Variants in STK3 observed in about 807,000 individuals in gnomAD.
The protein encoded by STK3 is serine/threonine kinase 3.
In STK3, 41 loss-of-function variants were observed where a neutral mutation model predicts 58.0. The ratio of observed to expected loss-of-function variants is 0.71; its 90% confidence interval spans 0.55 to 0.92. The LOEUF (loss-of-function observed/expected upper bound fraction) is 0.92, where lower values mean the gene tolerates loss of function less well. Among genes scored for constraint, STK3 ranks in the 40% least tolerant of loss-of-function variants. STK3 has a pLI of 0.00. For synonymous variants in STK3, 170 were observed against 191.0 expected (o/e 0.89, Z 0.91); for missense variants, 479 against 602.7 (o/e 0.79, Z 2.15).
At chr8:98,922,946 T>C (rs956988651) in intron 1 of STK3, among the ~76,000 whole-genome samples, 1 of 152,250 alleles carries the variant, frequency 6.6e-6, no homozygotes, top group African/African-American at 2.4e-5. Flanking sequence ...ATGGAAACTA[T>C]TTTTTCTTCT....
chr8:98,692,867 G>A (rs1314198393), intron 6 of STK3, among the ~76,000 whole-genome samples: 4 of 151,706 alleles, frequency 2.6e-5, no homozygotes, highest in African/African-American at 4.8e-5. Flanking sequence ...ACATATTATG[G>A]GGAGTGTAGT....
At chr8:98,825,779 C>CGGCGGCGG (rs1564039607), upstream of STK3, 5 of 87,782 alleles carry the variant, frequency 5.7e-5, no homozygotes, top group African/African-American at 8.7e-5. Context: ...CCCCCGGCCG[C>CGGCGGCGG]CCCGCCCCGC....
intron 3 of STK3, among the ~76,000 whole-genome samples, chr8:98,832,563 G>C (rs1835577717): frequency 6.6e-6 from 1 of 152,114 alleles, no homozygotes; most frequent in Non-Finnish European, 1.5e-5. Flanking sequence ...AAAAGGAATA[G>C]TTCCTGTTTA....
At chr8:98,830,207 A>T (rs1835473998), upstream of STK3, among the ~76,000 whole-genome samples, 1 of 152,108 alleles carries the variant, frequency 6.6e-6, no homozygotes, top group African/African-American at 2.4e-5. Flanking sequence ...CAGCCTGGAC[A>T]ACAGAGCAAA....
intron 4 of STK3, among the ~76,000 whole-genome samples, chr8:98,710,028 AG>A (rs1440386502): frequency 6.6e-6 from 1 of 152,114 alleles, no homozygotes; most frequent in Admixed American, 6.5e-5. Flanking sequence ...CAATTAGGGA[AG>A]AAAAACAAAT....
chr8:98,569,230 T>A (rs1812756817), intron 8 of STK3, among the ~76,000 whole-genome samples: 1 of 151,656 alleles, frequency 6.6e-6, no homozygotes, highest in Non-Finnish European at 1.5e-5. Context: ...AAAGACACGG[T>A]CAGATATGCA....
chr8:98,702,262 C>T (rs924210909), intron 6 of STK3, among the ~76,000 whole-genome samples: 17 of 152,140 alleles, frequency 1.1e-4, no homozygotes, highest in African/African-American at 3.9e-4. Context: ...AAGAAATAAT[C>T]AATCTCTGAC....
At chr8:98,913,379 G>A (rs146190675) in intron 1 of STK3, among the ~76,000 whole-genome samples, 11 of 152,324 alleles carry the variant, frequency 7.2e-5, no homozygotes, top group African/African-American at 2.6e-4. Context: ...ATAAAAGAGG[G>A]TAGAGAAGCT....
chr8:98,418,732 G>A (rs35623626), intron 3 of STK3, among the ~76,000 whole-genome samples: 22,073 of 152,122 alleles, frequency 0.15, 2,691 homozygotes, highest in East Asian at 0.43. Context: ...GAGGAGGAGC[G>A]GGGTGGGTTT....
chr8:98,409,161 G>A (rs1048128380), intron 3 of STK3, among the ~76,000 whole-genome samples: 2 of 152,178 alleles, frequency 1.3e-5, no homozygotes, highest in Non-Finnish European at 2.9e-5. Context: ...GCCCCTTGGA[G>A]AATGCTGATT....
At chr8:98,723,827 A>G (rs760387612) in intron 4 of STK3, among the ~76,000 whole-genome samples, 1 of 152,138 alleles carries the variant, frequency 6.6e-6, no homozygotes, top group Non-Finnish European at 1.5e-5. Flanking sequence ...AAACTCACCA[A>G]TGTAATCCTT....
chr8:98,344,192 A>G, the STK3 span, among the ~76,000 whole-genome samples: 2 of 152,228 alleles, frequency 1.3e-5, no homozygotes, highest in African/African-American at 4.8e-5. Context: ...GCCACTGAAG[A>G]AAACATAATT....
At chr8:98,714,275 G>A (rs997718569) in intron 4 of STK3, among the ~76,000 whole-genome samples, 1 of 152,148 alleles carries the variant, frequency 6.6e-6, no homozygotes, top group Admixed American at 6.5e-5. Flanking sequence ...GAAAGTTCTG[G>A]TCAGGGCAAT....
At chr8:98,629,773 T>A (rs1819039639) in intron 6 of STK3, among the ~76,000 whole-genome samples, 1 of 152,170 alleles carries the variant, frequency 6.6e-6, no homozygotes, top group Admixed American at 6.6e-5. Flanking sequence ...CAGGAGAGAC[T>A]GCCCCTCCCA....
chr8:98,700,350 C>T (rs1334171168), intron 6 of STK3, among the ~76,000 whole-genome samples: 2 of 152,234 alleles, frequency 1.3e-5, no homozygotes, highest in African/African-American at 2.4e-5. Context: ...TGCTTCGGCT[C>T]GCGCACGGTG....
chr8:98,914,064 A>G (rs868423705), intron 1 of STK3, among the ~76,000 whole-genome samples: 23 of 152,114 alleles, frequency 1.5e-4, no homozygotes, highest in Non-Finnish European at 7.4e-5. Flanking sequence ...TCAAAAAAAA[A>G]AACAAAAACC....
intron 10 of STK3, among the ~76,000 whole-genome samples, chr8:98,459,996 G>A (rs1819820853): frequency 6.6e-6 from 1 of 152,218 alleles, no homozygotes; most frequent in Admixed American, 6.5e-5. Context: ...GCTCCCTAGT[G>A]GAGCTGTGAG....
At chr8:98,554,850 T>C (rs1811474641) in intron 8 of STK3, among the ~76,000 whole-genome samples, 3 of 152,176 alleles carry the variant, frequency 2.0e-5, no homozygotes, top group Admixed American at 2.0e-4. Flanking sequence ...TAATTTCATT[T>C]GATACTTTTT....
Position 98,553,081 on chromosome 8 carries a change from G to C in STK3, c.949-4920C>G, listed in dbSNP as rs185527488. On this transcript the variant is annotated intron_variant, in intron 8 of 10. Transcript: ENST00000419617. ...GCCTCTAACTCTGCCTTTAGAAAGT[G>C]AAGAAGGTCTCACAGAGGAGGCTGA... 2.0e-5 allele frequency among the ~76,000 whole-genome samples: 3 copies of C among 152,270 alleles called. No individual in the cohort carries two copies. The East Asian group carries it at 5.8e-4, about 29-fold the overall frequency.
Sources: allele counts gnomAD v4.1 joint callset (sites outside exome capture counted in the v4.1 genomes callset), GRCh38; gene constraint gnomAD v4.1.1; transcripts MANE v1.5; gene names NCBI Gene and HGNC (gene_info 2026-07-23, HGNC 2026-07-21).